Variants in NKIRAS1 observed in about 807,000 individuals in gnomAD.
NKIRAS1 encodes NF-kappa-B inhibitor-interacting Ras-like protein 1.
In NKIRAS1, 16 loss-of-function variants were observed where a neutral mutation model predicts 19.8. The ratio of observed to expected loss-of-function variants is 0.81; its 90% CI spans 0.55 to 1.23. The LOEUF is 1.23. Among genes scored for constraint, NKIRAS1 ranks in the 50% most tolerant of loss-of-function variants. The pLI, the probability that NKIRAS1 is intolerant of heterozygous loss-of-function variation, is 0.00. For missense variants in NKIRAS1, 184 were observed against 220.0 expected (o/e 0.84, Z 1.04); for synonymous variants, 88 against 79.0 (o/e 1.11, Z -0.61).
chr3:23,912,943 C>T (rs1368752367), intron 1 of NKIRAS1, among the ~76,000 whole-genome samples: 11 of 149,880 alleles, frequency 7.3e-5, no homozygotes, highest in Admixed American at 4.0e-4. Flanking sequence ...ATGGTGAAAC[C>T]GTCTCTACTA....
chr3:23,904,950 A>G (rs956286210), intron 3 of NKIRAS1, among the ~76,000 whole-genome samples: 1 of 152,190 alleles, frequency 6.6e-6, no homozygotes, highest in Admixed American at 6.5e-5. Flanking sequence ...TGTTACATCA[A>G]TGAAAAGTAA....
rs1258791182 is a variant in NKIRAS1 at position 23,892,383 on chromosome 3, G to C, written c.*712C>G. ...GAAAATACAGCTTTACTGTCCTTAA[G>C]TGCCTAATCATTTTCAAGAGGAGGA... On this transcript the variant is annotated 3_prime_UTR_variant, in exon 5 of 5. Coordinates refer to ENST00000425478, the MANE Select transcript of NKIRAS1 (RefSeq NM_020345.4). 6.6e-6 allele frequency: 1 copy of C among 152,076 alleles called. No homozygotes were observed. Among genetic ancestry groups the C allele is most frequent in the African/African-American group, 2.4e-5 (1 of 41,400 alleles). The allele number at this position is 152,076 out of a possible 1,614,324, so 9.4% of individuals were successfully genotyped here. A position where few individuals can be genotyped will look rare whatever the true frequency, so the allele number is the denominator to read the frequency against.
chr3:23,925,558 T>C (rs1028925300), intron 1 of NKIRAS1, among the ~76,000 whole-genome samples: 1 of 152,094 alleles, frequency 6.6e-6, no homozygotes, highest in African/African-American at 2.4e-5. Context: ...CACCTGAGCT[T>C]GGGAAGTTGA....
chr3:23,931,270 T>G (rs1213202648), intron 1 of NKIRAS1, among the ~76,000 whole-genome samples: 6 of 152,200 alleles, frequency 3.9e-5, no homozygotes, highest in Admixed American at 2.6e-4. Flanking sequence ...TTTCATTTCC[T>G]ACTACATTTC....
At chr3:23,916,582 A>T (rs1291171675) in intron 1 of NKIRAS1, 1 of 152,276 alleles carries the variant, frequency 6.6e-6, no homozygotes, top group African/African-American at 2.4e-5. Context: ...GAAGGGACAC[A>T]GCGAGCGCCC....
chr3:23,929,996 A>T (rs1705277422), intron 1 of NKIRAS1, among the ~76,000 whole-genome samples: 1 of 152,146 alleles, frequency 6.6e-6, no homozygotes, highest in South Asian at 2.1e-4. Context: ...AATTGGTGGA[A>T]TGGATAATCT....
intron 1 of NKIRAS1, among the ~76,000 whole-genome samples, chr3:23,915,584 G>T (rs974085540): frequency 6.6e-6 from 1 of 151,996 alleles, no homozygotes; most frequent in African/African-American, 2.4e-5. Context: ...TAAAATGTAC[G>T]CCATATGAAG....
At position 23,892,303 on chromosome 3, in the gene NKIRAS1, T is replaced by C. The variant is rs1405043410; in HGVS notation, c.*792A>G. ...GAGCCCAATATTTTTGATACTTTTATTGTATATGACTAGTTTTCTAGAAAA... is the reference window on the plus strand; with the variant it reads ...GAGCCCAATATTTTTGATACTTTTACTGTATATGACTAGTTTTCTAGAAAA... On this transcript the variant is annotated 3_prime_UTR_variant, in exon 5 of 5. Transcript: ENST00000425478. 1 of 152,188 alleles carries C rather than the reference T, an allele frequency of 6.6e-6. No individual in the cohort carries two copies. Among genetic ancestry groups the C allele is most frequent in the Non-Finnish European group, 1.5e-5 (1 of 68,030 alleles). 9.4% of individuals were successfully genotyped at this position (152,188 alleles called of 1,614,324 possible).
intron 3 of NKIRAS1, among the ~76,000 whole-genome samples, chr3:23,907,679 T>A (rs1266282469): frequency 6.6e-6 from 1 of 152,180 alleles, no homozygotes; most frequent in African/African-American, 2.4e-5. Context: ...CTCTTCACCA[T>A]CCTGTGCTTG....
At chr3:23,929,717 C>T (rs1009896380) in intron 1 of NKIRAS1, among the ~76,000 whole-genome samples, 1 of 152,150 alleles carries the variant, frequency 6.6e-6, no homozygotes, top group Admixed American at 6.5e-5. Context: ...GCTGGGATTA[C>T]AGACATGAGC....
intron 1 of NKIRAS1, among the ~76,000 whole-genome samples, chr3:23,928,999 T>TAA (rs539612913): frequency 4.1e-5 from 5 of 122,552 alleles, no homozygotes; most frequent in African/African-American, 1.4e-4. Context: ...TCCATCTCTT[T>TAA]AAAAAAAAAA....
upstream of NKIRAS1, chr3:23,917,661 C>G: frequency 1.7e-6 from 1 of 580,610 alleles, no homozygotes; most frequent in South Asian, 2.1e-5. Context: ...GCTGGGGTTG[C>G]GGAAGTGACT....
chr3:23,946,071 G>A, intron 1 of NKIRAS1: 2 of 981,960 alleles, frequency 2.0e-6, no homozygotes, highest in Non-Finnish European at 2.4e-6. Context: ...GCAGCCTCCC[G>A]GGAGGCTCCG....
chr3:23,904,750 T>TA (rs1164197171), intron 3 of NKIRAS1, among the ~76,000 whole-genome samples: 2 of 152,132 alleles, frequency 1.3e-5, no homozygotes, highest in African/African-American at 4.8e-5. Flanking sequence ...TAGAAGCTGA[T>TA]AAAGTTAAAG....
chr3:23,945,808 T>A (rs963990703), intron 1 of NKIRAS1, among the ~76,000 whole-genome samples: 1 of 149,924 alleles, frequency 6.7e-6, no homozygotes, highest in African/African-American at 2.4e-5. Context: ...CAGCGCGGCC[T>A]GCCGGCGCCC....
intron 1 of NKIRAS1, among the ~76,000 whole-genome samples, chr3:23,911,909 C>T (rs560684818): frequency 8.5e-4 from 129 of 152,026 alleles, no homozygotes; most frequent in African/African-American, 3.0e-3. Context: ...ATTACAGGTG[C>T]CTGCCACCAT....
At position 23,904,671 on chromosome 3, in the gene NKIRAS1, A is replaced by G. The variant is rs1187109873; in HGVS notation, c.95-3622T>C. Among the ~76,000 whole-genome samples, 2 of 152,172 alleles carry G rather than the reference A, an allele frequency of 1.3e-5. 1 individual carries two copies. Among genetic ancestry groups the G allele is most frequent in the East Asian group, 3.8e-4 (2 of 5,196 alleles). ...AAGAAGAGAGCCTAAAAAAGTTTCC[A>G]CAGACAAAGCATCAAGAATCATAAT... On this transcript the variant is annotated intron_variant, in intron 3 of 4. Transcript: ENST00000425478.
At chr3:23,917,675 C>T, upstream of NKIRAS1, 3 of 614,350 alleles carry the variant, frequency 4.9e-6, no homozygotes, top group Non-Finnish European at 8.4e-6. Context: ...AGTGACTGAA[C>T]GCGGCTCCGT....
Position 23,926,031 on chromosome 3 carries a change from T to A in NKIRAS1, c.-139-14581A>T, listed in dbSNP as rs1705206014. Among the ~76,000 whole-genome samples the A allele has an allele frequency of 6.6e-6, 1 of 152,082 alleles. No individual in the cohort carries two copies. The highest frequency in any genetic ancestry group is 1.5e-5 in the Non-Finnish European group (1 of 68,006). On this transcript the variant is annotated intron_variant, in intron 1 of 4. Transcript: ENST00000421515. This position sits in a 1 kb window ranked among gnomAD's most constrained non-coding sequence, Gnocchi z 4.3. ...AGAAATTTCTGTTGTATAGTGCCAATTTATTTATTTTTATTTTTATTTATT... is the reference window on the plus strand; with the variant it reads ...AGAAATTTCTGTTGTATAGTGCCAAATTATTTATTTTTATTTTTATTTATT...
Sources: gnomAD v4.1 joint callset for allele counts (sites outside exome capture counted in the v4.1 genomes callset) on GRCh38, gnomAD v4.1.1 for gene constraint, Gnocchi (gnomAD v3.1) non-coding constraint, MANE v1.5 for transcripts, NCBI Gene and HGNC (gene_info 2026-07-23, HGNC 2026-07-21) for gene names.